The following CHD9 variants were observed in gnomAD, a reference collection of about 807,000 sequenced individuals.
The protein encoded by CHD9 is chromodomain helicase DNA binding protein 9, also known as ATP-dependent chromatin remodeler CHD9.
CHD9 carries 77 observed loss-of-function variants against 316.1 expected under a neutral mutation model. The ratio of observed to expected loss-of-function variants is 0.24; its 90% CI spans 0.20 to 0.29. CHD9 has a LOEUF of 0.29. CHD9 is among the 10% of genes least tolerant of loss of function. The probability of loss-of-function intolerance (pLI) is 1.00; values close to 1 mark genes in which losing one functional copy is unlikely to be tolerated. For missense variants in CHD9, 2,763 were observed against 3,438.1 expected (o/e 0.80, Z 4.91); for synonymous variants, 1,129 against 1,158.3 (o/e 0.97, Z 0.51).
intron 19 of CHD9, among the ~76,000 whole-genome samples, chr16:53,259,126 G>A (rs1334437328): frequency 3.3e-5 from 5 of 152,188 alleles, no homozygotes; most frequent in Non-Finnish European, 7.3e-5. Context: ...GGAAGGAGTA[G>A]CATCTTATTT....
At position 53,292,708 on chromosome 16, in the gene CHD9, A is replaced by G. The variant is rs1191003121; in HGVS notation, c.5291-125A>G. The G allele has an allele frequency of 2.8e-5, 20 of 714,156 alleles. No homozygotes were observed. The South Asian group carries it at 3.8e-4, about 13-fold the overall frequency. The allele number at this position is 714,156 out of a possible 1,614,324, so 44.2% of individuals were successfully genotyped here. ...GCTATTGTTAAAAGAAGCTTTTAGG[A>G]TGAGAAATATGTTTTTTTTTCCCCA... On this transcript the variant is annotated intron_variant, in intron 28 of 38. Coordinates refer to ENST00000447540, the MANE Select transcript of CHD9 (RefSeq NM_001308319.2).
chr16:53,108,071 C>A (rs1230970847), intron 1 of CHD9, among the ~76,000 whole-genome samples: 2 of 152,156 alleles, frequency 1.3e-5, no homozygotes, highest in Admixed American at 6.5e-5. Flanking sequence ...CAAATAAAGT[C>A]ATAAACTTTC....
chr16:53,248,526 G>GTTTTTTTTTTTT (rs542703474), intron 16 of CHD9, among the ~76,000 whole-genome samples: 31 of 105,970 alleles, frequency 2.9e-4, no homozygotes, highest in East Asian at 5.3e-4. Context: ...TTTTTTTTTT[G>GTTTTTTTTTTTT]TTTTTTTTTT....
At chr16:53,097,941 G>A (rs572141123) in intron 1 of CHD9, among the ~76,000 whole-genome samples, 1 of 152,152 alleles carries the variant, frequency 6.6e-6, no homozygotes, top group South Asian at 2.1e-4. Flanking sequence ...CCAAAATGGT[G>A]AAACCCTGTC....
intron 2 of CHD9, among the ~76,000 whole-genome samples, chr16:53,178,003 A>T (rs2043202108): frequency 6.6e-6 from 1 of 152,214 alleles, no homozygotes; most frequent in Non-Finnish European, 1.5e-5. Flanking sequence ...AAGCATGCAC[A>T]TACTGGCAGT....
At chr16:53,187,230 A>G (rs560299471) in intron 2 of CHD9, among the ~76,000 whole-genome samples, 2 of 152,296 alleles carry the variant, frequency 1.3e-5, no homozygotes, top group South Asian at 4.2e-4. Flanking sequence ...GGGAGAAGCC[A>G]GGTGCAGTCA....
At chr16:53,109,551 T>C (rs2037660602) in intron 1 of CHD9, among the ~76,000 whole-genome samples, 1 of 151,586 alleles carries the variant, frequency 6.6e-6, no homozygotes, top group African/African-American at 2.4e-5. Flanking sequence ...GCCAGGCTAG[T>C]CTCCAACTCC....
At chr16:53,135,333 A>T (rs1037339748) in intron 1 of CHD9, among the ~76,000 whole-genome samples, 25 of 152,164 alleles carry the variant, frequency 1.6e-4, no homozygotes, top group Admixed American at 1.1e-3. Context: ...GAGAAGTGAT[A>T]CGCTTTAATC....
In CHD9 at chr16:53,249,973, G is replaced by A. The variant is rs556280339; in HGVS notation, c.3768G>A (p.Leu1256=). The change falls in exon 17 of 39, where the codon CTG becomes CTA. Residue 1256 remains leucine (L), a synonymous_variant. Coordinates refer to ENST00000447540, the MANE Select transcript of CHD9 (RefSeq NM_001308319.2). ...ATTCAGATAGATTTGTTTTTCTCCT[G>A]TGTACCCGAGCTGGTGGGTTGGGCA... ...KPDSDRFVFL[L]CTRAGGLGIN... 5 of 1,613,760 alleles carry A rather than the reference G, an allele frequency of 3.1e-6. No homozygotes were observed. The highest frequency in any genetic ancestry group is 2.2e-5 in the South Asian group (2 of 91,072).
Position 53,325,070 on chromosome 16 carries a change from C to A in CHD9, c.*175C>A, listed in dbSNP as rs2153125079. The A allele has an allele frequency of 3.6e-6, 2 of 548,542 alleles. No homozygotes were observed. Among genetic ancestry groups the A allele is most frequent in the South Asian group, 6.8e-5 (2 of 29,454 alleles). The allele number at this position is 548,542 out of a possible 1,614,324, so 34.0% of individuals were successfully genotyped here. The stretch of plus-strand genomic sequence containing the variant: ...TTTGCATGTAATATTTCTTAAGATT[C>A]ATAAGTTTCTGAACTCGTATGTACT... On this transcript the variant is annotated 3_prime_UTR_variant, in exon 39 of 39. Transcript: ENST00000447540.
At chr16:53,244,317 T>G (rs1018501820) in intron 13 of CHD9, among the ~76,000 whole-genome samples, 1 of 151,470 alleles carries the variant, frequency 6.6e-6, no homozygotes, top group African/African-American at 2.4e-5. Context: ...CTCAGCCTCC[T>G]GAGTAGCTGG....
Position 53,267,987 on chromosome 16 carries a change from C to T in CHD9, c.4578C>T (p.His1526=), listed in dbSNP as rs772438305. 20 of 1,613,320 alleles carry T rather than the reference C, an allele frequency of 1.2e-5. No individual in the cohort carries two copies. In the East Asian group the frequency reaches 1.8e-4, roughly 14 times the overall value. ...GTTTCAAAAGGCAGCTAAATGAACA[C>T]GATGTAGAGATAATTTGCCGAGCTC... ...HGRFKRQLNE[H]DVEIICRALL... Residue 1526 remains histidine (H), a synonymous_variant, in exon 22 of 39, where the codon CAC becomes CAT. Coordinates refer to ENST00000447540, the MANE Select transcript of CHD9 (RefSeq NM_001308319.2).
At chr16:53,226,958 T>G (rs2047708750) in intron 5 of CHD9, among the ~76,000 whole-genome samples, 1 of 152,214 alleles carries the variant, frequency 6.6e-6, no homozygotes, top group Non-Finnish European at 1.5e-5. Context: ...TGAACACGTT[T>G]GCCTGAATGC....
chr16:53,239,044 T>C (rs1426996178), intron 12 of CHD9, among the ~76,000 whole-genome samples: 1 of 152,146 alleles, frequency 6.6e-6, no homozygotes, highest in Non-Finnish European at 1.5e-5. Flanking sequence ...TGGATTTTTA[T>C]TTTAGACATT....
At chr16:53,095,524 G>A (rs1224115025) in intron 1 of CHD9, among the ~76,000 whole-genome samples, 1 of 151,958 alleles carries the variant, frequency 6.6e-6, no homozygotes, top group Admixed American at 6.6e-5. Context: ...ACTCCAACTT[G>A]GGCAACAGAG....
At chr16:53,317,360 C>G (rs2056964989) in intron 36 of CHD9, among the ~76,000 whole-genome samples, 1 of 152,008 alleles carries the variant, frequency 6.6e-6, no homozygotes, top group African/African-American at 2.4e-5. Flanking sequence ...GTGTTGATTT[C>G]CTGAAAATAT....
At chr16:53,199,704 G>C (rs1049303718) in intron 2 of CHD9, among the ~76,000 whole-genome samples, 2 of 152,116 alleles carry the variant, frequency 1.3e-5, no homozygotes, top group African/African-American at 4.8e-5. Context: ...AGAACATGTA[G>C]TTTCCATTTG....
chr16:53,246,280 T>A (rs1448057091), intron 15 of CHD9, among the ~76,000 whole-genome samples: 2 of 152,202 alleles, frequency 1.3e-5, no homozygotes, highest in African/African-American at 4.8e-5. Context: ...ATGTTTGGGT[T>A]TTTCACTTAT....
At chr16:53,149,247 G>A (rs923868781) in intron 1 of CHD9, among the ~76,000 whole-genome samples, 2 of 152,110 alleles carry the variant, frequency 1.3e-5, no homozygotes, top group African/African-American at 4.8e-5. Context: ...TGGGTAGAGT[G>A]TCTGTATATG....
Sources: gnomAD v4.1 joint callset for allele counts (sites outside exome capture counted in the v4.1 genomes callset) on GRCh38, gnomAD v4.1.1 for gene constraint, MANE v1.5 for transcripts, NCBI Gene and HGNC (gene_info 2026-07-23, HGNC 2026-07-21) for gene names.